Variants in NEDD4 observed in about 807,000 individuals in gnomAD.
NEDD4 encodes the protein E3 ubiquitin-protein ligase NEDD4.
Under a neutral mutation model 144.9 loss-of-function variants are expected in NEDD4, and 99 were observed. The observed-to-expected ratio is 0.68, with a 90% CI of 0.58 to 0.81. The LOEUF is 0.81. Ranked by LOEUF, NEDD4 falls within the 30% of genes least tolerant of loss-of-function variation. The pLI is 0.00. For missense variants in NEDD4, 985 were observed against 1,065.9 expected (o/e 0.92, Z 1.06); for synonymous variants, 318 against 350.6 (o/e 0.91, Z 1.04).
intron 5 of NEDD4, among the ~76,000 whole-genome samples, chr15:55,920,332 G>T (rs2036546349): frequency 6.6e-6 from 1 of 152,052 alleles, no homozygotes; most frequent in African/African-American, 2.4e-5. Flanking sequence ...GAAGCACAGG[G>T]TCTCCACCCA....
chr15:55,965,653 G>GGTAT (rs71110357), intron 2 of NEDD4, among the ~76,000 whole-genome samples: 11,167 of 150,126 alleles, frequency 0.074, 532 homozygotes, highest in African/African-American at 0.12. Flanking sequence ...AATACTATTT[G>GGTAT]GTATGTATGT....
At chr15:55,933,104 T>C (rs2036814362) in intron 4 of NEDD4, among the ~76,000 whole-genome samples, 1 of 152,132 alleles carries the variant, frequency 6.6e-6, no homozygotes, top group African/African-American at 2.4e-5. Flanking sequence ...AGTTCAACCA[T>C]TGTGGAAGAC....
chr15:55,835,587 C>T (rs2033159252), intron 24 of NEDD4, among the ~76,000 whole-genome samples: 1 of 152,192 alleles, frequency 6.6e-6, no homozygotes, highest in Admixed American at 6.5e-5. Flanking sequence ...AGCTTCACTA[C>T]ACTTAAGCAG....
intron 1 of NEDD4, among the ~76,000 whole-genome samples, chr15:55,976,131 A>G (rs1430044231): frequency 6.6e-6 from 1 of 152,230 alleles, no homozygotes; most frequent in East Asian, 1.9e-4. Flanking sequence ...AAATCAAATC[A>G]AAACATTGAG....
intron 5 of NEDD4, among the ~76,000 whole-genome samples, chr15:55,905,986 CT>C (rs2036077799): frequency 6.6e-6 from 1 of 152,186 alleles, no homozygotes. Context: ...TGAACAGACA[CT>C]TCTCAAAAGA....
intron 5 of NEDD4, among the ~76,000 whole-genome samples, chr15:55,876,320 G>C (rs760592874): frequency 6.6e-6 from 1 of 151,084 alleles, no homozygotes; most frequent in Non-Finnish European, 1.5e-5. Flanking sequence ...GAGTAATAAA[G>C]AGCACCAGAA....
intron 5 of NEDD4, chr15:55,917,048 T>A: frequency 1.6e-6 from 2 of 1,286,824 alleles, no homozygotes; most frequent in East Asian, 2.9e-5. Context: ...GTTTCCAAAA[T>A]GTCTTGAATC....
chr15:55,965,629 CACA>C (rs1463629168), intron 2 of NEDD4, among the ~76,000 whole-genome samples: 1 of 151,906 alleles, frequency 6.6e-6, no homozygotes, highest in African/African-American at 2.4e-5. Context: ...TTCTACTTTC[CACA>C]ACAACTTACT....
At chr15:55,932,037 T>G (rs139810216) in intron 4 of NEDD4, among the ~76,000 whole-genome samples, 268 of 152,328 alleles carry the variant, frequency 1.8e-3, no homozygotes, top group Middle Eastern at 0.017. Context: ...TCTGATATGG[T>G]TTGACTGTGT....
intron 5 of NEDD4, chr15:55,916,636 C>T (rs753990774): frequency 7.4e-6 from 12 of 1,613,850 alleles, no homozygotes; most frequent in African/African-American, 2.7e-5. Context: ...TGAGACTGAA[C>T]GTTTTCCTTT....
rs769921631 is a variant in NEDD4 at position 55,860,571 on chromosome 15, A to G, written c.796T>C (p.Trp266Arg). ...SVDNRESSEN[W>R]EIIREDEATM... ...GCTTCATCTTCTCTTATAATTTCCC[A>G]GTTCTAAAATGAACAGAATAAGCTT... The change falls in exon 11 of 29, where the codon TGG becomes CGG. Residue 266 changes from tryptophan (W) to arginine (R), a missense_variant. By Grantham distance (101) the Trp-to-Arg change is moderately radical (BLOSUM62 -3). Coordinates refer to ENST00000435532, the MANE Select transcript of NEDD4 (RefSeq NM_006154.4). 12 of 1,613,990 alleles carry G rather than the reference A, an allele frequency of 7.4e-6. No individual in the cohort carries two copies. The South Asian group carries it at 1.2e-4, about 16-fold the overall frequency.
chr15:55,860,907 G>C (rs981397082), intron 9 of NEDD4, 129 bp from the exon 10 acceptor site: 3 of 761,056 alleles, frequency 3.9e-6, no homozygotes, highest in Non-Finnish European at 6.5e-6. Context: ...TTGACCAAAG[G>C]CTATTTCAAC....
intron 11 of NEDD4, among the ~76,000 whole-genome samples, chr15:55,859,386 A>G (rs1384825423): frequency 2.6e-5 from 4 of 152,170 alleles, no homozygotes; most frequent in Non-Finnish European, 4.4e-5. Flanking sequence ...TGTTGGTGAC[A>G]TCTGTGATAT....
intron 1 of NEDD4, among the ~76,000 whole-genome samples, chr15:55,983,760 G>A (rs1353950065): frequency 1.3e-5 from 2 of 151,822 alleles, no homozygotes; most frequent in Non-Finnish European, 2.9e-5. Context: ...ACAGGTATAT[G>A]CTACCATGCC....
At chr15:55,888,704 C>T (rs1275817294) in intron 5 of NEDD4, among the ~76,000 whole-genome samples, 2 of 152,116 alleles carry the variant, frequency 1.3e-5, no homozygotes, top group Non-Finnish European at 2.9e-5. Flanking sequence ...CATCAAATTA[C>T]ATTACAAAGC....
intron 5 of NEDD4, among the ~76,000 whole-genome samples, chr15:55,921,672 T>C (rs1381301914): frequency 6.6e-6 from 1 of 152,198 alleles, no homozygotes; most frequent in Non-Finnish European, 1.5e-5. Flanking sequence ...TTTTTTCATA[T>C]GGTTAAAAGT....
At chr15:55,886,045 T>G (rs1349566999) in intron 5 of NEDD4, among the ~76,000 whole-genome samples, 1 of 151,986 alleles carries the variant, frequency 6.6e-6, no homozygotes, top group African/African-American at 2.4e-5. Context: ...AAAAAGGGCA[T>G]GAGTAGCTGT....
At chr15:55,975,389 T>C (rs1252153081) in intron 1 of NEDD4, among the ~76,000 whole-genome samples, 1 of 152,196 alleles carries the variant, frequency 6.6e-6, no homozygotes, top group African/African-American at 2.4e-5. Flanking sequence ...TTCAGTAAAG[T>C]TGCAGGATAC....
chr15:55,948,456 T>C (rs2037166962), intron 4 of NEDD4, among the ~76,000 whole-genome samples: 2 of 152,154 alleles, frequency 1.3e-5, no homozygotes, highest in South Asian at 4.1e-4. Flanking sequence ...AAAACTACTT[T>C]AAAGTTCATA....
Sources: gnomAD v4.1 joint callset for allele counts (sites outside exome capture counted in the v4.1 genomes callset) on GRCh38, gnomAD v4.1.1 for gene constraint, MANE v1.5 for transcripts, NCBI Gene and HGNC (gene_info 2026-07-23, HGNC 2026-07-21) for gene names.